The following DAP3 variants were observed in gnomAD, a reference collection of about 807,000 sequenced individuals.
DAP3 encodes death associated protein 3.
In DAP3, 28 loss-of-function variants were observed where a neutral mutation model predicts 51.9. The ratio of observed to expected loss-of-function variants is 0.54; its 90% CI spans 0.40 to 0.74. The LOEUF is 0.74. DAP3 is among the 30% of genes least tolerant of loss of function. The pLI, the probability that DAP3 is intolerant of heterozygous loss-of-function variation, is 0.00. For synonymous variants in DAP3, 170 were observed against 170.3 expected, an observed-to-expected ratio of 1.00 and a Z score of 0.01; for missense variants, 458 against 483.5, an observed-to-expected ratio of 0.95 and a Z score of 0.49.
At chr1:155,707,003 A>C (rs1261361638) in intron 1 of DAP3, among the ~76,000 whole-genome samples, 1 of 151,890 alleles carries the variant, frequency 6.6e-6, no homozygotes, top group Non-Finnish European at 1.5e-5. Flanking sequence ...TGAGAGGAGA[A>C]TCGCTTTAAC....
At chr1:155,697,596 G>A (rs925666894) in intron 1 of DAP3, among the ~76,000 whole-genome samples, 1 of 152,116 alleles carries the variant, frequency 6.6e-6, no homozygotes, top group African/African-American at 2.4e-5. Context: ...TAGGGAGTGG[G>A]TCACAGAGGT....
At chr1:155,701,907 C>T (rs1655334722) in intron 1 of DAP3, among the ~76,000 whole-genome samples, 2 of 150,204 alleles carry the variant, frequency 1.3e-5, no homozygotes, top group Non-Finnish European at 3.0e-5. Flanking sequence ...CAGCAGGTTT[C>T]GTAGTGCTTT....
intron 6 of DAP3, 26 bp from the exon 7 acceptor site, chr1:155,727,581 GT>G (rs1468561937): frequency 6.2e-7 from 1 of 1,605,806 alleles, no homozygotes; most frequent in Admixed American, 1.7e-5. Context: ...TGCCTGGCTT[GT>G]TTTCTTCTGC....
At chr1:155,695,178 C>CT (rs1406556396) in intron 1 of DAP3, among the ~76,000 whole-genome samples, 1 of 152,172 alleles carries the variant, frequency 6.6e-6, no homozygotes, top group African/African-American at 2.4e-5. Context: ...AAGCAAGTGT[C>CT]TTTTTATATG....
chr1:155,700,619 G>A (rs866665696), intron 1 of DAP3, among the ~76,000 whole-genome samples: 4 of 146,660 alleles, frequency 2.7e-5, no homozygotes, highest in Non-Finnish European at 6.0e-5. Context: ...GGTGAGGGGC[G>A]CCTCGGCCCG....
intron 11 of DAP3, among the ~76,000 whole-genome samples, chr1:155,732,785 G>A (rs1659375579): frequency 6.6e-6 from 1 of 152,082 alleles, no homozygotes; most frequent in Non-Finnish European, 1.5e-5. Flanking sequence ...AGCACTTTGG[G>A]AGGCCGAGGC....
At chr1:155,712,430 T>C (rs1656820950) in intron 2 of DAP3, among the ~76,000 whole-genome samples, 1 of 151,992 alleles carries the variant, frequency 6.6e-6, no homozygotes, top group African/African-American at 2.4e-5. Flanking sequence ...CAGACCAACA[T>C]GGAGAAACTC....
At chr1:155,697,470 A>G (rs1299934354) in intron 1 of DAP3, among the ~76,000 whole-genome samples, 1 of 152,026 alleles carries the variant, frequency 6.6e-6, no homozygotes, top group African/African-American at 2.4e-5. Flanking sequence ...CAAAAGAGAA[A>G]TTCTACAGCT....
intron 1 of DAP3, among the ~76,000 whole-genome samples, chr1:155,707,272 G>A (rs752424944): frequency 2.6e-5 from 4 of 152,022 alleles, no homozygotes; most frequent in African/African-American, 9.6e-5. Flanking sequence ...AATTAGCGGG[G>A]CGTGGTGGTG....
chr1:155,703,807 G>T (rs1655622622), intron 1 of DAP3, among the ~76,000 whole-genome samples: 1 of 152,222 alleles, frequency 6.6e-6, no homozygotes, highest in African/African-American at 2.4e-5. Flanking sequence ...AGAGTGCTGG[G>T]ATTACAGGTG....
At chr1:155,720,307 C>T (rs1452562276) in intron 3 of DAP3, among the ~76,000 whole-genome samples, 3 of 117,454 alleles carry the variant, frequency 2.6e-5, no homozygotes, top group Admixed American at 2.2e-4. Flanking sequence ...CCTGGTAAAC[C>T]GAGCAAGATC....
intron 1 of DAP3, among the ~76,000 whole-genome samples, chr1:155,695,809 A>T (rs1005966039): frequency 6.6e-6 from 1 of 152,240 alleles, no homozygotes; most frequent in African/African-American, 2.4e-5. Context: ...CTTTACCACA[A>T]GGTCCCACAT....
intron 11 of DAP3, 85 bp from the exon 12 acceptor site, chr1:155,736,861 T>C: frequency 1.8e-6 from 2 of 1,094,188 alleles, no homozygotes; most frequent in Non-Finnish European, 1.4e-6. Flanking sequence ...ACAAATACCT[T>C]ACCTTCAAAG....
chr1:155,725,914 A>G lies in DAP3; in HGVS notation c.380-13A>G. ...CCTTCCAGTCATGTTTTCTTTAACA[A>G]CATATACTTTAGATGGAGAGAAGGG... On this transcript the variant is annotated splice_polypyrimidine_tract_variant and intron_variant, in intron 5 of 12. Transcript: ENST00000368336. 6.2e-7 allele frequency: 1 copy of G among 1,611,334 alleles called. No individual in the cohort carries two copies. Among genetic ancestry groups the G allele is most frequent in the Non-Finnish European group, 8.5e-7 (1 of 1,177,800 alleles).
chr1:155,730,522 G>A (rs1197042105), intron 9 of DAP3, among the ~76,000 whole-genome samples: 1 of 152,094 alleles, frequency 6.6e-6, no homozygotes, highest in Non-Finnish European at 1.5e-5. Flanking sequence ...AGGCTAAGAT[G>A]GGAGGATGGC....
At chr1:155,691,480 T>C (rs1364790281) in intron 1 of DAP3, among the ~76,000 whole-genome samples, 1 of 142,220 alleles carries the variant, frequency 7.0e-6, no homozygotes, top group Non-Finnish European at 1.5e-5. Context: ...CCACGTTATG[T>C]TTATTCATCA....
At chr1:155,730,285 G>A (rs1659106302) in intron 9 of DAP3, among the ~76,000 whole-genome samples, 1 of 133,228 alleles carries the variant, frequency 7.5e-6, no homozygotes, top group South Asian at 2.1e-4. Flanking sequence ...ATATGCATAT[G>A]CACACATACA....
chr1:155,729,435 T>C, intron 9 of DAP3, 69 bp downstream of exon 9: 1 of 1,558,612 alleles, frequency 6.4e-7, no homozygotes, highest in Non-Finnish European at 8.7e-7. Flanking sequence ...GGCTGGGTCT[T>C]AGCCTTGTAG....
intron 11 of DAP3, 174 bp downstream of exon 11, chr1:155,732,207 C>A: frequency 2.2e-6 from 1 of 461,928 alleles, no homozygotes; most frequent in Non-Finnish European, 3.7e-6. Context: ...CTTTATCCGT[C>A]TCCGTCTTTC....
Sources: gnomAD v4.1 joint callset for allele counts (sites outside exome capture counted in the v4.1 genomes callset) on GRCh38, gnomAD v4.1.1 for gene constraint, MANE v1.5 for transcripts, NCBI Gene and HGNC (gene_info 2026-07-23, HGNC 2026-07-21) for gene names.